UGT1A9: variants seen among roughly 807,000 people sequenced by gnomAD.
The protein encoded by UGT1A9 is UDP-glucuronosyltransferase 1A9.
UGT1A9 carries 35 observed loss-of-function variants against 45.0 expected under a neutral mutation model. The ratio of observed to expected loss-of-function variants is 0.78; its 90% CI spans 0.59 to 1.03. UGT1A9 has a LOEUF of 1.03. Ranked by LOEUF, UGT1A9 falls within the 50% of genes least tolerant of loss-of-function variation. The probability of loss-of-function intolerance (pLI) is 0.00; values close to 1 mark genes in which losing one functional copy is unlikely to be tolerated. For missense variants in UGT1A9, 687 were observed against 666.6 expected (o/e 1.03, Z -0.34); for synonymous variants, 278 against 250.6 (o/e 1.11, Z -1.03).
At chr2:233,762,352 C>T (rs1368513264) in intron 1 of UGT1A9, among the ~76,000 whole-genome samples, 3 of 152,200 alleles carry the variant, frequency 2.0e-5, no homozygotes, top group South Asian at 2.1e-4. Flanking sequence ...GTTCTTTGTA[C>T]TCCAGCTATT....
chr2:233,702,927 G>A (rs1248659699), intron 1 of UGT1A9, among the ~76,000 whole-genome samples: 1 of 152,130 alleles, frequency 6.6e-6, no homozygotes, highest in African/African-American at 2.4e-5. Flanking sequence ...TTCTTGCGGA[G>A]CCTTGGTCTG....
chr2:233,762,807 C>G (rs1458193268), intron 1 of UGT1A9, among the ~76,000 whole-genome samples: 1 of 151,450 alleles, frequency 6.6e-6, no homozygotes, highest in Non-Finnish European at 1.5e-5. Flanking sequence ...GCTATCTCAT[C>G]AAAATATTGA....
At chr2:233,740,774 A>AAAG (rs1357611508) in intron 1 of UGT1A9, 1 of 151,862 alleles carries the variant, frequency 6.6e-6, no homozygotes, top group African/African-American at 2.4e-5. Flanking sequence ...CCGTTGTATA[A>AAAG]AAGATGAATA....
rs754927853 is a variant in UGT1A9 at position 233,672,112 on chromosome 2, C to T, written c.178C>T (p.Pro60Ser). The T allele has an allele frequency of 2.5e-6, 4 of 1,613,982 alleles. No individual in the cohort carries two copies. The highest frequency in any genetic ancestry group is 2.5e-6 in the Non-Finnish European group (3 of 1,180,008). Reference sequence around the variant, plus strand: ...GGGGCATGAGGTGGTTGTAGTCATGCCAGAGGTGAGTTGGCAACTGGGAAG... The same window carrying T: ...GGGGCATGAGGTGGTTGTAGTCATGTCAGAGGTGAGTTGGCAACTGGGAAG... ...LRGHEVVVVM[P>S]EVSWQLGRSL... is the part of the protein sequence containing the mutation. Residue 60 changes from proline to serine, a missense_variant, in exon 1 of 5, where the codon CCA (proline) becomes TCA (serine). Pro to Ser is a moderately conservative substitution (Grantham distance 74). Transcript: ENST00000354728.
At chr2:233,701,202 C>T (rs954560608) in intron 1 of UGT1A9, among the ~76,000 whole-genome samples, 3 of 152,090 alleles carry the variant, frequency 2.0e-5, no homozygotes, top group African/African-American at 7.2e-5. Context: ...GTCTTTATAG[C>T]AGCATTATTT....
chr2:233,719,410 T>G, intron 1 of UGT1A9: 1 of 1,613,994 alleles, frequency 6.2e-7, no homozygotes, highest in African/African-American at 1.3e-5. Context: ...ATTCCTAAGT[T>G]ACTAACGACC....
chr2:233,698,691 TA>T (rs937682275), intron 1 of UGT1A9, among the ~76,000 whole-genome samples: 1 of 152,038 alleles, frequency 6.6e-6, no homozygotes, highest in Non-Finnish European at 1.5e-5. Flanking sequence ...AATACATTTC[TA>T]AAAAAAATGT....
intron 1 of UGT1A9, among the ~76,000 whole-genome samples, chr2:233,761,736 C>T (rs111883427): frequency 6.5e-4 from 99 of 152,322 alleles, no homozygotes; most frequent in African/African-American, 2.3e-3. Flanking sequence ...TATTTTTCCC[C>T]TACAGAGTTT....
rs144956531 is a variant in UGT1A9, at chr2:233,704,021, G to A, written c.855+31232G>A. Among the ~76,000 whole-genome samples the A allele has an allele frequency of 2.1e-3, 322 of 152,060 alleles. 1 individual carries two copies. The highest frequency in any genetic ancestry group is 7.3e-3 in the African/African-American group (305 of 41,502). ...TTCTCCCACCTCAGCCGCCCGAGCA[G>A]CTGGAACTACAGGTGTGCACCAACA... is the stretch of plus-strand genomic sequence containing the variant. On this transcript the variant is annotated intron_variant, in intron 1 of 4. Transcript: ENST00000354728.
intron 1 of UGT1A9, among the ~76,000 whole-genome samples, chr2:233,763,435 T>G (rs1698313873): frequency 6.6e-6 from 1 of 152,248 alleles, no homozygotes; most frequent in African/African-American, 2.4e-5. Flanking sequence ...GTTGCTTTAA[T>G]AAGTGCATTT....
intron 1 of UGT1A9, chr2:233,748,001 G>A: frequency 6.2e-7 from 1 of 1,613,512 alleles, no homozygotes; most frequent in Non-Finnish European, 8.5e-7. Context: ...ACTTTGTGAT[G>A]GATTACCCCA....
chr2:233,769,533 A>G lies in UGT1A9; in HGVS notation c.1295+1094A>G. The G allele has an allele frequency of 6.2e-7, 1 of 1,612,916 alleles. No homozygotes were observed. The highest frequency in any genetic ancestry group is 8.5e-7 in the Non-Finnish European group (1 of 1,179,872). On this transcript the variant is annotated intron_variant, in intron 4 of 4. Transcript: ENST00000354728. The surrounding 1 kb of genome is among the most constrained non-coding windows in gnomAD (Gnocchi z 4.4). Reference sequence around the variant, plus strand: ...TCTCCCATGGTTACCTCCTTTAGAAAGAAGCAGCAGTCAGGAAGACAGATG... The same window carrying G: ...TCTCCCATGGTTACCTCCTTTAGAAGGAAGCAGCAGTCAGGAAGACAGATG...
intron 4 of UGT1A9, chr2:233,771,362 C>T (rs1186329971): frequency 6.6e-6 from 1 of 152,076 alleles, no homozygotes; most frequent in African/African-American, 2.4e-5. Context: ...GTTGAAGCAC[C>T]TAACCCGTTT....
At chr2:233,687,251 G>A (rs2074829035) in intron 1 of UGT1A9, among the ~76,000 whole-genome samples, 1 of 152,154 alleles carries the variant, frequency 6.6e-6, no homozygotes, top group African/African-American at 2.4e-5. Context: ...CAAGATTAAT[G>A]ATCTTAACCA....
chr2:233,758,419 A>C (rs1696871413), intron 1 of UGT1A9, among the ~76,000 whole-genome samples: 1 of 152,240 alleles, frequency 6.6e-6, no homozygotes, highest in Non-Finnish European at 1.5e-5. Context: ...TATAATCTGC[A>C]AATGAACTCA....
intron 1 of UGT1A9, among the ~76,000 whole-genome samples, chr2:233,752,117 A>T (rs910162092): frequency 3.9e-5 from 6 of 152,242 alleles, no homozygotes. Context: ...GAGGAGAAGA[A>T]GATGATGGAC....
chr2:233,718,235 C>G (rs531002147), intron 1 of UGT1A9, among the ~76,000 whole-genome samples: 1 of 152,318 alleles, frequency 6.6e-6, no homozygotes, highest in African/African-American at 2.4e-5. Flanking sequence ...AGAGAGTCCT[C>G]TTTGAGCTTT....
Position 233,772,306 on chromosome 2 carries a change from G to T in UGT1A9, c.1340G>T (p.Arg447Leu), listed in dbSNP as rs200370335. 9.9e-6 allele frequency: 16 copies of T among 1,614,092 alleles called. No individual in the cohort carries two copies. Among genetic ancestry groups the T allele is most frequent in the South Asian group, 2.2e-5 (2 of 91,084 alleles). ...CGCCTCTCCAGCCTTCACAAGGACC[G>T]CCCGGTGGAGCCGCTGGACCTGGCC... ...IMRLSSLHKD[R>L]PVEPLDLAVF... The change falls in exon 5 of 5, where the codon CGC (arginine) becomes CTC (leucine). Residue 447 changes from arginine (R) to leucine (L), a missense_variant. By Grantham distance (102) the Arg-to-Leu change is moderately radical. Coordinates refer to ENST00000354728, the MANE Select transcript of UGT1A9 (RefSeq NM_021027.3).
At chr2:233,729,770 T>C in intron 1 of UGT1A9, 1 of 1,613,988 alleles carries the variant, frequency 6.2e-7, no homozygotes, top group South Asian at 1.1e-5. Flanking sequence ...AAGAACATGC[T>C]CTACCCTCTG....
Sources: gnomAD v4.1 joint callset for allele counts (sites outside exome capture counted in the v4.1 genomes callset) on GRCh38, gnomAD v4.1.1 for gene constraint, Gnocchi (gnomAD v3.1) non-coding constraint, MANE v1.5 for transcripts, NCBI Gene and HGNC (gene_info 2026-07-23, HGNC 2026-07-21) for gene names.